DMD: variants seen among roughly 807,000 people sequenced by gnomAD.
DMD encodes dystrophin, also known as mutant dystrophin.
A neutral mutation model predicts 330.1 loss-of-function variants in DMD; 63 were observed. The ratio of observed to expected loss-of-function variants is 0.19; its 90% confidence interval spans 0.16 to 0.24. DMD has a LOEUF of 0.24. Ranked by LOEUF, DMD falls within the 10% of genes least tolerant of loss-of-function variation. DMD has a pLI of 1.00. For missense variants in DMD, 3,344 were observed against 2,684.1 expected (o/e 1.25, Z -5.43); for synonymous variants, 1,223 against 959.8 (o/e 1.27, Z -5.07).
chrX:31,697,180 C>T (rs1163238343), intron 52 of DMD, among the ~76,000 whole-genome samples: 2 of 111,447 alleles, frequency 1.8e-5, no homozygotes, highest in Non-Finnish European at 3.8e-5. Flanking sequence ...CGACACTTCA[C>T]CCAGGAGACT....
intron 2 of DMD, among the ~76,000 whole-genome samples, chrX:32,914,579 T>C (rs1233245700): frequency 3.6e-5 from 4 of 112,309 alleles, no homozygotes; most frequent in African/African-American, 9.7e-5. Context: ...GAGAGGCATT[T>C]GCAAAAGGAA....
intron 48 of DMD, among the ~76,000 whole-genome samples, chrX:31,856,286 T>C (rs913820926): frequency 5.4e-5 from 6 of 111,996 alleles, no homozygotes; most frequent in Non-Finnish European, 1.1e-4. Context: ...AAATTAAAAA[T>C]GTGAATACTC....
At chrX:32,837,033 C>A (rs1373384465) in intron 4 of DMD, among the ~76,000 whole-genome samples, 1 of 111,527 alleles carries the variant, frequency 9.0e-6, no homozygotes, top group African/African-American at 3.3e-5. Flanking sequence ...TAGCCAGAAA[C>A]CACGTCTACT....
intron 1 of DMD, among the ~76,000 whole-genome samples, chrX:33,203,760 A>G (rs184463654): frequency 2.4e-3 from 259 of 109,730 alleles, no homozygotes; most frequent in Non-Finnish European, 4.0e-3. Context: ...CCACTCCATG[A>G]GTTGCATATT....
chrX:32,646,941 G>C (rs759116378), intron 9 of DMD, among the ~76,000 whole-genome samples: 1 of 111,067 alleles, frequency 9.0e-6, no homozygotes, highest in East Asian at 2.8e-4. Flanking sequence ...CTAACAGTAA[G>C]GCAATTTCTG....
At chrX:32,324,105 CA>C (rs2097637198) in intron 41 of DMD, among the ~76,000 whole-genome samples, 2 of 110,453 alleles carry the variant, frequency 1.8e-5, no homozygotes, top group African/African-American at 6.6e-5. Flanking sequence ...CTATAATCAA[CA>C]ATATATTGTA....
At chrX:32,511,524 G>GGAAA (rs766801853) in intron 18 of DMD, among the ~76,000 whole-genome samples, 6 of 49,789 alleles carry the variant, frequency 1.2e-4, no homozygotes, top group Non-Finnish European at 2.1e-4. Flanking sequence ...TCCGTCTCGG[G>GGAAA]AAAAAAAAAA....
intron 20 of DMD, among the ~76,000 whole-genome samples, chrX:32,487,955 G>A (rs781320754): frequency 9.0e-6 from 1 of 111,579 alleles, no homozygotes; most frequent in Non-Finnish European, 1.9e-5. Flanking sequence ...TTTACAAATG[G>A]CAGCATTGGC....
intron 2 of DMD, among the ~76,000 whole-genome samples, chrX:32,877,693 G>A (rs1297430216): frequency 1.8e-5 from 2 of 111,887 alleles, no homozygotes; most frequent in Non-Finnish European, 3.8e-5. Flanking sequence ...TAGTAAAGCT[G>A]CTTTGCCAAC....
At chrX:32,045,341 G>GTT (rs768612902) in intron 44 of DMD, among the ~76,000 whole-genome samples, 8,546 of 97,193 alleles carry the variant, frequency 0.088, 727 homozygotes, top group African/African-American at 0.24. Context: ...TGAGCGATCT[G>GTT]TTTTGTTTTT....
chrX:32,441,430 A>G (rs2098281144), intron 27 of DMD, 116 bp from the exon 28 acceptor site: 1 of 713,092 alleles, frequency 1.4e-6, no homozygotes, highest in South Asian at 2.6e-5. Flanking sequence ...TTTCACCTTT[A>G]CTTTGTAGCA....
At chrX:32,689,130 C>T (rs750348099) in intron 9 of DMD, among the ~76,000 whole-genome samples, 3 of 111,047 alleles carry the variant, frequency 2.7e-5, no homozygotes, top group African/African-American at 3.3e-5. Context: ...TTTGGTTATA[C>T]TATCCTTATA....
In DMD at chrX:32,878,360, AGAGT is replaced by A. The variant is rs1221628211; in HGVS notation, c.94-28544_94-28541del. Among the ~76,000 whole-genome samples, 240 of 112,014 alleles carry A rather than the reference AGAGT, an allele frequency of 2.1e-3. 1 individual carries two copies. Among genetic ancestry groups the A allele is most frequent in the African/African-American group, 7.2e-3 (222 of 30,819 alleles). ...TCCACTGCACCCCAGCCTGGGCGACAGAGTGAGACTACGTCTCAAAAATAATAAA... is the reference window on the plus strand; with the variant it reads ...TCCACTGCACCCCAGCCTGGGCGACAGAGACTACGTCTCAAAAATAATAAA... On this transcript the variant is annotated intron_variant, in intron 2 of 78. Transcript: ENST00000357033.
At chrX:32,787,847 T>C (rs1406385932) in intron 7 of DMD, among the ~76,000 whole-genome samples, 5 of 110,638 alleles carry the variant, frequency 4.5e-5, no homozygotes, top group African/African-American at 1.6e-4. Context: ...GCAAAATAAC[T>C]GGAAAGATCA....
At chrX:32,739,420 C>A (rs1335031709) in intron 7 of DMD, among the ~76,000 whole-genome samples, 1 of 111,584 alleles carries the variant, frequency 9.0e-6, no homozygotes, top group Non-Finnish European at 1.9e-5. Flanking sequence ...GTTCATGAAA[C>A]TGAGAAAAAC....
chrX:32,270,989 A>T (rs892973665), intron 43 of DMD, among the ~76,000 whole-genome samples: 21 of 111,407 alleles, frequency 1.9e-4, no homozygotes, highest in Non-Finnish European at 3.8e-4. Context: ...AGGGGAAAGA[A>T]AATGAGATAA....
Position 31,444,641 on chromosome X carries a change from T to G in DMD, c.8938-14A>C, listed in dbSNP as rs758614091. On this transcript the variant is annotated splice_polypyrimidine_tract_variant and intron_variant, in intron 59 of 78. Transcript: ENST00000357033. ...TCCTCGAAGTGCCTGTGTGCAATAGTCAAAAGCAAATTGGAAGATGAGAAT... is the reference window on the plus strand; with the variant it reads ...TCCTCGAAGTGCCTGTGTGCAATAGGCAAAAGCAAATTGGAAGATGAGAAT... 1 of 1,210,368 alleles carries G rather than the reference T, an allele frequency of 8.3e-7. No homozygotes were observed. Among genetic ancestry groups the G allele is most frequent in the East Asian group, 3.0e-5 (1 of 33,829 alleles).
intron 2 of DMD, among the ~76,000 whole-genome samples, chrX:32,901,118 A>C (rs1016050885): frequency 2.7e-5 from 3 of 111,716 alleles, no homozygotes; most frequent in Non-Finnish European, 3.8e-5. Flanking sequence ...TTTATAAAAG[A>C]ATGAATTATT....
At chrX:32,199,549 T>G (rs1603628138) in intron 44 of DMD, among the ~76,000 whole-genome samples, 1 of 12,057 alleles carries the variant, frequency 8.3e-5, no homozygotes, top group Non-Finnish European at 2.4e-4. Flanking sequence ...GGGAGGGGTG[T>G]GAAGGGGGAG....
Sources: gnomAD v4.1 joint callset for allele counts (sites outside exome capture counted in the v4.1 genomes callset) on GRCh38, gnomAD v4.1.1 for gene constraint, MANE v1.5 for transcripts, NCBI Gene and HGNC (gene_info 2026-07-23, HGNC 2026-07-21) for gene names.